Variants in CDC42BPA observed in about 807,000 individuals in gnomAD.
CDC42BPA encodes the protein serine/threonine-protein kinase MRCK alpha.
In CDC42BPA, 80 loss-of-function variants were observed where a neutral mutation model predicts 223.5. The ratio of observed to expected loss-of-function variants is 0.36; its 90% confidence interval spans 0.30 to 0.43. CDC42BPA has a LOEUF of 0.43. Among genes scored for constraint, CDC42BPA ranks in the 20% least tolerant of loss-of-function variants. The pLI is 1.00. For synonymous variants in CDC42BPA, 694 were observed against 718.6 expected, an observed-to-expected ratio of 0.97 and a Z score of 0.55; for missense variants, 1,743 against 2,099.9, an observed-to-expected ratio of 0.83 and a Z score of 3.32.
At chr1:227,313,983 ATATT>A (rs1394825114) in intron 1 of CDC42BPA, among the ~76,000 whole-genome samples, 1 of 91,580 alleles carries the variant, frequency 1.1e-5, no homozygotes, top group African/African-American at 3.7e-5. Context: ...ACAGCCTTGC[ATATT>A]TATTTTGTAT....
chr1:227,208,971 A>G (rs771770406), intron 3 of CDC42BPA, among the ~76,000 whole-genome samples: 3 of 152,068 alleles, frequency 2.0e-5, no homozygotes, highest in African/African-American at 7.2e-5. Context: ...CACGATATTG[A>G]TTCTTCCTAC....
chr1:227,206,861 G>A (rs1672824733), intron 3 of CDC42BPA, among the ~76,000 whole-genome samples: 1 of 152,018 alleles, frequency 6.6e-6, no homozygotes, highest in South Asian at 2.1e-4. Context: ...TTGCTAAATT[G>A]TATTTGCTAA....
At chr1:227,248,276 T>G (rs1681347198) in intron 2 of CDC42BPA, among the ~76,000 whole-genome samples, 1 of 152,024 alleles carries the variant, frequency 6.6e-6, no homozygotes, top group African/African-American at 2.4e-5. Flanking sequence ...AGAGAAAGAA[T>G]GAAAGGTGTC....
intron 22 of CDC42BPA, among the ~76,000 whole-genome samples, chr1:227,048,614 C>G (rs1305242998): frequency 6.6e-6 from 1 of 151,260 alleles, no homozygotes; most frequent in Non-Finnish European, 1.5e-5. Flanking sequence ...CCATATCTTT[C>G]TTAGGTAGCT....
chr1:227,042,297 G>GAGATATATATATATAT (rs922408596), intron 23 of CDC42BPA, among the ~76,000 whole-genome samples: 10,151 of 147,544 alleles, frequency 0.069, 439 homozygotes, highest in Middle Eastern at 0.12. Context: ...ATACATATAT[G>GAGATATATATATATAT]ATATATATAT....
At position 227,028,825 on chromosome 1, in the gene CDC42BPA, G is replaced by GATGTGCAATAAATGATA; in HGVS notation, c.4263_4264insTATCATTTATTGCACAT (p.His1422TyrfsTer53). 1 of 1,613,992 alleles carries GATGTGCAATAAATGATA rather than the reference G, an allele frequency of 6.2e-7. No homozygotes were observed. Among genetic ancestry groups the GATGTGCAATAAATGATA allele is most frequent in the Non-Finnish European group, 8.5e-7 (1 of 1,179,926 alleles). ...TGATGTGCAATAAATGATAGTGTAT[G>GATGTGCAATAAATGATA]GTCATTTGAATGGAGCATACTGTAT... On this transcript the variant is annotated frameshift_variant, in exon 30 of 37. Transcript: ENST00000366766. LOFTEE classifies it high-confidence loss of function.
chr1:227,013,728 T>C (rs1163285936), intron 34 of CDC42BPA, among the ~76,000 whole-genome samples: 5 of 152,070 alleles, frequency 3.3e-5, no homozygotes, highest in Non-Finnish European at 1.5e-5. Context: ...GAAACAAAAG[T>C]GTAAAAAATT....
chr1:227,062,912 A>G (rs1048916940), intron 21 of CDC42BPA, among the ~76,000 whole-genome samples: 2 of 152,096 alleles, frequency 1.3e-5, no homozygotes, highest in Non-Finnish European at 2.9e-5. Flanking sequence ...AAGAGCATGA[A>G]TATCTCAAAA....
At chr1:227,197,454 T>G (rs1038815757) in intron 4 of CDC42BPA, among the ~76,000 whole-genome samples, 2 of 152,158 alleles carry the variant, frequency 1.3e-5, no homozygotes, top group Non-Finnish European at 2.9e-5. Context: ...AATTCTATTT[T>G]AGTAATTATT....
In CDC42BPA at chr1:227,029,258, CAGAA is replaced by C. The variant is rs1265791098; in HGVS notation, c.3839-12_3839-9del. 6.7e-7 allele frequency: 1 copy of C among 1,494,222 alleles called. No homozygotes were observed. The highest frequency in any genetic ancestry group is 1.9e-5 in the Admixed American group (1 of 53,448). The allele number at this position is 1,494,222 out of a possible 1,614,324, so 92.6% of individuals were successfully genotyped here. A position where few individuals can be genotyped will look rare whatever the true frequency, so the allele number is the denominator to read the frequency against. On this transcript the variant is annotated splice_polypyrimidine_tract_variant and intron_variant, in intron 29 of 36. Transcript: ENST00000366766. ...CACCAACTCTAATAATTTCTAAACA[CAGAA>C]AGAATAATAAATCAAAATATAGTTT... is the stretch of plus-strand genomic sequence containing the variant.
chr1:227,022,901 C>A (rs1371298098), intron 32 of CDC42BPA, among the ~76,000 whole-genome samples: 2 of 152,160 alleles, frequency 1.3e-5, no homozygotes, highest in Non-Finnish European at 2.9e-5. Flanking sequence ...AAGACATATT[C>A]CTCAACTCTA....
intron 3 of CDC42BPA, among the ~76,000 whole-genome samples, chr1:227,201,674 CACACAT>C (rs1398782756): frequency 1.7e-4 from 16 of 92,668 alleles, no homozygotes; most frequent in African/African-American, 3.3e-4. Flanking sequence ...TGCACGTGCA[CACACAT>C]ACACACACAC....
intron 5 of CDC42BPA, among the ~76,000 whole-genome samples, chr1:227,164,302 T>C (rs1404353953): frequency 6.6e-6 from 1 of 152,238 alleles, no homozygotes; most frequent in Admixed American, 6.5e-5. Context: ...ATATGTTCTA[T>C]AATACATATT....
At chr1:227,306,774 CT>C (rs1406186276) in intron 1 of CDC42BPA, among the ~76,000 whole-genome samples, 1 of 152,150 alleles carries the variant, frequency 6.6e-6, no homozygotes, top group Non-Finnish European at 1.5e-5. Context: ...CAAAAAGGGG[CT>C]TTAGTCACTG....
At chr1:227,277,160 A>T (rs1687246572) in intron 1 of CDC42BPA, among the ~76,000 whole-genome samples, 1 of 152,148 alleles carries the variant, frequency 6.6e-6, no homozygotes, top group Non-Finnish European at 1.5e-5. Flanking sequence ...ATCATTGTGA[A>T]AAAATGTACG....
In CDC42BPA at chr1:227,318,045, T is replaced by G; in HGVS notation, c.-863A>C. Reference sequence around the variant, plus strand: ...CTTGGCCGCCCGAGCCCACTCCATGTCGGTGGTCGCTCGTGGGCCGAGCCG... The same window carrying G: ...CTTGGCCGCCCGAGCCCACTCCATGGCGGTGGTCGCTCGTGGGCCGAGCCG... On this transcript the variant is annotated 5_prime_UTR_variant, in exon 1 of 37. Coordinates refer to ENST00000366766, the MANE Select transcript of CDC42BPA (RefSeq NM_001394014.1). The G allele has an allele frequency of 3.1e-6, 1 of 327,676 alleles. No individual in the cohort carries two copies. Among genetic ancestry groups the G allele is most frequent in the Non-Finnish European group, 5.5e-6 (1 of 181,676 alleles). The allele number at this position is 327,676 out of a possible 1,614,324, so 20.3% of individuals were successfully genotyped here. A position where few individuals can be genotyped will look rare whatever the true frequency, so the allele number is the denominator to read the frequency against.
At chr1:227,238,871 C>T (rs1225793505) in intron 2 of CDC42BPA, among the ~76,000 whole-genome samples, 2 of 152,018 alleles carry the variant, frequency 1.3e-5, no homozygotes, top group African/African-American at 2.4e-5. Flanking sequence ...TACAGACATA[C>T]CCACAATTAT....
chr1:226,999,844 C>A (rs1404434299), intron 35 of CDC42BPA, among the ~76,000 whole-genome samples: 1 of 149,576 alleles, frequency 6.7e-6, no homozygotes, highest in African/African-American at 2.5e-5. Context: ...CAAACTAACA[C>A]AGGAACAGAA....
Position 227,073,876 on chromosome 1 carries a change from A to G in CDC42BPA, c.2723T>C (p.Ile908Thr). The change falls in exon 19 of 37, where the codon ATC (isoleucine) becomes ACC (threonine). Residue 908 changes from isoleucine (I) to threonine (T), a missense_variant. Ile to Thr is a moderately conservative substitution (Grantham distance 89). Around this residue, in one of 6 missense-constraint regions of CDC42BPA, gnomAD observed 678 missense variants for 777.5 expected, o/e 0.87. Coordinates refer to ENST00000366766, the MANE Select transcript of CDC42BPA (RefSeq NM_001394014.1). ...GATTCAATCTTACCATTCTGTTATG[A>G]TATTAGATGCTTTAACTTTATTCAA... ...EELNKVKASNIITECKLKDSE... is the reference protein window; with the variant it reads ...EELNKVKASNTITECKLKDSE... 1 of 1,595,608 alleles carries G rather than the reference A, an allele frequency of 6.3e-7. No homozygotes were observed. The highest frequency in any genetic ancestry group is 1.1e-5 in the South Asian group (1 of 87,590).
Sources: allele counts gnomAD v4.1 joint callset (sites outside exome capture counted in the v4.1 genomes callset), GRCh38; gene constraint gnomAD v4.1.1; regional missense constraint gnomAD v4.1.1; transcripts MANE v1.5; gene names NCBI Gene and HGNC (gene_info 2026-07-23, HGNC 2026-07-21).